MPPED2: variants seen among roughly 807,000 people sequenced by gnomAD.
The protein encoded by MPPED2 is metallophosphoesterase domain containing 2, also known as metallophosphoesterase MPPED2.
In MPPED2, 5 loss-of-function variants were observed where a neutral mutation model predicts 33.0. That is an observed-to-expected ratio of 0.15 (90% CI 0.08 to 0.32). The LOEUF is 0.32. Ranked by LOEUF, MPPED2 falls within the 10% of genes least tolerant of loss-of-function variation. The probability of loss-of-function intolerance (pLI) is 1.00; values close to 1 mark genes in which losing one functional copy is unlikely to be tolerated. For synonymous variants in MPPED2, 136 were observed against 141.9 expected (o/e 0.96, Z 0.29); for missense variants, 275 against 372.1 (o/e 0.74, Z 2.15).
At chr11:30,531,643 G>GGA (rs1954532534) in intron 3 of MPPED2, among the ~76,000 whole-genome samples, 1 of 152,182 alleles carries the variant, frequency 6.6e-6, no homozygotes, top group South Asian at 2.1e-4. Context: ...AATTTAGACT[G>GGA]TTCTTTGGAG....
chr11:30,489,902 G>A (rs775019375), intron 4 of MPPED2, among the ~76,000 whole-genome samples: 18 of 125,634 alleles, frequency 1.4e-4, no homozygotes, highest in South Asian at 2.5e-4. Context: ...TGATCAATTA[G>A]TATGTGGATT....
chr11:30,524,870 T>C (rs1415316369), intron 3 of MPPED2, among the ~76,000 whole-genome samples: 2 of 152,230 alleles, frequency 1.3e-5, no homozygotes, highest in African/African-American at 4.8e-5. Flanking sequence ...CTGTGTACTT[T>C]CTACCATCTA....
At chr11:30,576,588 A>G (rs1956940738) in intron 2 of MPPED2, among the ~76,000 whole-genome samples, 1 of 152,188 alleles carries the variant, frequency 6.6e-6, no homozygotes, top group Non-Finnish European at 1.5e-5. Context: ...GCCTCAGATT[A>G]TGAAACACAT....
chr11:30,459,713 TC>T (rs371514115), intron 4 of MPPED2, among the ~76,000 whole-genome samples: 1 of 152,322 alleles, frequency 6.6e-6, no homozygotes, highest in African/African-American at 2.4e-5. Flanking sequence ...AGAACTAATG[TC>T]CTCCTGCTCC....
chr11:30,428,275 T>TTA (rs776299230), intron 4 of MPPED2, among the ~76,000 whole-genome samples: 5 of 152,228 alleles, frequency 3.3e-5, no homozygotes, highest in Non-Finnish European at 5.9e-5. Context: ...GCACACAACA[T>TTA]TATATATCTG....
At chr11:30,539,318 C>A (rs1304505809) in intron 2 of MPPED2, among the ~76,000 whole-genome samples, 1 of 152,208 alleles carries the variant, frequency 6.6e-6, no homozygotes, top group Non-Finnish European at 1.5e-5. Context: ...AATGACCTAA[C>A]ATTTCCCCTA....
intron 4 of MPPED2, among the ~76,000 whole-genome samples, chr11:30,446,402 T>G (rs768399631): frequency 6.6e-6 from 1 of 152,148 alleles, no homozygotes; most frequent in African/African-American, 2.4e-5. Flanking sequence ...GAAGACACTG[T>G]AATAGAATGG....
intron 6 of MPPED2, among the ~76,000 whole-genome samples, chr11:30,389,195 A>G (rs1947739885): frequency 1.3e-5 from 2 of 152,144 alleles, no homozygotes; most frequent in Non-Finnish European, 2.9e-5. Flanking sequence ...AGTGGCCTCT[A>G]GCGATGAAGC....
intron 4 of MPPED2, among the ~76,000 whole-genome samples, chr11:30,430,670 CA>C (rs1204026068): frequency 6.6e-6 from 1 of 152,002 alleles, no homozygotes; most frequent in East Asian, 1.9e-4. Flanking sequence ...TTCGTAACAA[CA>C]AAATATTGGG....
At chr11:30,584,002 T>C (rs1957318801) in intron 1 of MPPED2, 1 of 152,206 alleles carries the variant, frequency 6.6e-6, no homozygotes, top group Non-Finnish European at 1.5e-5. Context: ...CTCATCCCTG[T>C]ATCTGGGAGC....
intron 4 of MPPED2, among the ~76,000 whole-genome samples, chr11:30,462,312 G>A (rs908350421): frequency 8.5e-5 from 13 of 152,136 alleles, no homozygotes; most frequent in African/African-American, 2.4e-4. Context: ...CAAGCACTAA[G>A]CCCCAGTATG....
intron 4 of MPPED2, among the ~76,000 whole-genome samples, chr11:30,419,871 G>A (rs1280681432): frequency 6.6e-6 from 1 of 152,160 alleles, no homozygotes; most frequent in Non-Finnish European, 1.5e-5. Flanking sequence ...CTGTAATGAT[G>A]TTGTTGAACA....
At chr11:30,585,268 C>T (rs972694223) in intron 1 of MPPED2, among the ~76,000 whole-genome samples, 11 of 152,162 alleles carry the variant, frequency 7.2e-5, no homozygotes, top group Admixed American at 2.6e-4. Flanking sequence ...TCGACCCCAG[C>T]TTGGGTCGCC....
intron 4 of MPPED2, among the ~76,000 whole-genome samples, chr11:30,470,410 T>A (rs1950898491): frequency 6.6e-6 from 1 of 152,142 alleles, no homozygotes; most frequent in Non-Finnish European, 1.5e-5. Context: ...TGAGTAATCG[T>A]CTGGAGACAG....
downstream of MPPED2, among the ~76,000 whole-genome samples, chr11:30,408,080 C>A (rs190623145): frequency 1.2e-3 from 177 of 152,202 alleles, 1 homozygote; most frequent in African/African-American, 3.9e-3. Flanking sequence ...CTCCTCATCA[C>A]CCCCGTTTTA....
At chr11:30,529,351 A>T (rs1042354404) in intron 3 of MPPED2, among the ~76,000 whole-genome samples, 1 of 152,214 alleles carries the variant, frequency 6.6e-6, no homozygotes, top group Non-Finnish European at 1.5e-5. Flanking sequence ...CACACATCAA[A>T]TATTTGGATT....
intron 2 of MPPED2, among the ~76,000 whole-genome samples, chr11:30,559,489 C>T (rs1316674569): frequency 6.6e-6 from 1 of 152,072 alleles, no homozygotes; most frequent in Non-Finnish European, 1.5e-5. Flanking sequence ...AATTTGTATA[C>T]ATTTTAACTT....
At position 30,410,552 on chromosome 11, in the gene MPPED2, G is replaced by T; in HGVS notation, c.*916C>A. On this transcript the variant is annotated 3_prime_UTR_variant, in exon 7 of 7. Transcript: ENST00000358117. ...TTTAAGTCTATACATGCCTGTAACT[G>T]TACCTAGATTTAACTCAAGCTCTTT... 1 of 985,718 alleles carries T rather than the reference G, an allele frequency of 1.0e-6. No individual in the cohort carries two copies. Among genetic ancestry groups the T allele is most frequent in the Non-Finnish European group, 1.2e-6 (1 of 829,932 alleles). The allele number at this position is 985,718 out of a possible 1,614,324, so 61.1% of individuals were successfully genotyped here. A position where few individuals can be genotyped will look rare whatever the true frequency, so the allele number is the denominator to read the frequency against.
exon 7 of MPPED2, chr11:30,386,612 C>T: frequency 7.5e-6 from 3 of 397,766 alleles, no homozygotes; most frequent in Non-Finnish European, 1.3e-5. Flanking sequence ...TTTCCCAGCA[C>T]CTAGAACAGT....
Sources: gnomAD v4.1 joint callset for allele counts (sites outside exome capture counted in the v4.1 genomes callset) on GRCh38, gnomAD v4.1.1 for gene constraint, MANE v1.5 for transcripts, NCBI Gene and HGNC (gene_info 2026-07-23, HGNC 2026-07-21) for gene names.